UNC13C: variants seen among roughly 807,000 people sequenced by gnomAD.
UNC13C encodes unc-13 homolog C, also known as protein unc-13 homolog C.
A neutral mutation model predicts 245.4 loss-of-function variants in UNC13C; 174 were observed. The ratio of observed to expected loss-of-function variants is 0.71; its 90% confidence interval spans 0.63 to 0.80. The LOEUF (loss-of-function observed/expected upper bound fraction) is 0.80. Among genes scored for constraint, UNC13C ranks in the 30% least tolerant of loss-of-function variants. The probability of loss-of-function intolerance (pLI) is 0.00; values close to 1 mark genes in which losing one functional copy is unlikely to be tolerated. For missense variants in UNC13C, 2,829 were observed against 2,602.9 expected, an observed-to-expected ratio of 1.09 and a Z score of -1.89; for synonymous variants, 992 against 895.1, an observed-to-expected ratio of 1.11 and a Z score of -1.93.
chr15:54,094,088 A>T (rs1157309342), intron 2 of UNC13C, among the ~76,000 whole-genome samples: 1 of 152,146 alleles, frequency 6.6e-6, no homozygotes, highest in Non-Finnish European at 1.5e-5. Flanking sequence ...GACTGAGTGG[A>T]GGCAGCAATG....
At chr15:53,900,483 T>C in the UNC13C span, among the ~76,000 whole-genome samples, 1 of 152,206 alleles carries the variant, frequency 6.6e-6, no homozygotes, top group African/African-American at 2.4e-5. Context: ...CTGTAAACAA[T>C]AGTAAAAGCA....
intron 4 of UNC13C, among the ~76,000 whole-genome samples, chr15:54,154,112 C>A (rs2032640977): frequency 1.3e-5 from 2 of 152,022 alleles, no homozygotes; most frequent in East Asian, 3.9e-4. Flanking sequence ...AGTCACTCAA[C>A]TGATTTATTG....
chr15:54,113,671 G>A (rs7177366), intron 2 of UNC13C, among the ~76,000 whole-genome samples: 149,228 of 152,112 alleles, frequency 0.98, 73,279 homozygotes, highest in East Asian at 1. Context: ...CTAAAAATAC[G>A]AAAAATTAGC....
Position 54,338,620 on chromosome 15 carries a change from C to T in UNC13C, c.4713+131C>T. ...CATTAACTGCAAATTTGAGAATTTC[C>T]ATACCTTTTCTTCATATTTGAATAT... On this transcript the variant is annotated intron_variant, in intron 17 of 32. Coordinates refer to ENST00000260323, the MANE Select transcript of UNC13C (RefSeq NM_001080534.3). The T allele has an allele frequency of 3.0e-6, 3 of 991,304 alleles. No individual in the cohort carries two copies. The South Asian group carries it at 6.1e-5, about 20-fold the overall frequency. The allele number at this position is 991,304 out of a possible 1,614,324, so 61.4% of individuals were successfully genotyped here.
chr15:54,062,749 C>A (rs1399770551), intron 2 of UNC13C, among the ~76,000 whole-genome samples: 1 of 152,150 alleles, frequency 6.6e-6, no homozygotes, highest in East Asian at 1.9e-4. Flanking sequence ...CTGGTAGAAC[C>A]CAGGAATCTG....
chr15:54,193,767 A>G (rs546310048), intron 4 of UNC13C, among the ~76,000 whole-genome samples: 51 of 152,336 alleles, frequency 3.3e-4, no homozygotes, highest in African/African-American at 1.2e-3. Flanking sequence ...TCATCTCCCT[A>G]CAAAGATTTC....
intron 2 of UNC13C, among the ~76,000 whole-genome samples, chr15:54,034,465 A>AGGC (rs1896489524): frequency 1.3e-5 from 2 of 152,142 alleles, no homozygotes; most frequent in Non-Finnish European, 2.9e-5. Flanking sequence ...TAGTGGTATT[A>AGGC]ACTCTGTTTT....
At chr15:54,278,375 G>T (rs946870886) in intron 10 of UNC13C, among the ~76,000 whole-genome samples, 1 of 152,084 alleles carries the variant, frequency 6.6e-6, no homozygotes, top group Non-Finnish European at 1.5e-5. Context: ...ATTTCTTTGA[G>T]TAGACAAAAT....
At chr15:54,162,961 G>A (rs928064470) in intron 4 of UNC13C, among the ~76,000 whole-genome samples, 9 of 152,138 alleles carry the variant, frequency 5.9e-5, no homozygotes, top group African/African-American at 1.9e-4. Context: ...CAAGGTAACT[G>A]TAGATAAAGT....
chr15:54,046,657 C>A (rs762805938), intron 2 of UNC13C, among the ~76,000 whole-genome samples: 1 of 150,986 alleles, frequency 6.6e-6, no homozygotes, highest in South Asian at 2.1e-4. Context: ...CTTTTTTTTA[C>A]TTTTTTATTG....
Position 54,174,817 on chromosome 15 carries a change from A to C in UNC13C, c.3071+31133A>C, listed in dbSNP as rs573823937. On this transcript the variant is annotated intron_variant, in intron 4 of 32. Transcript: ENST00000260323. The stretch of plus-strand genomic sequence containing the variant: ...TTTCCAGCTGTGAACAATTTGGGTC[A>C]TGTACTGATTAAAGCAGGTAAGAAT... 2.1e-3 allele frequency among the ~76,000 whole-genome samples: 322 copies of C among 152,326 alleles called. 2 individuals carry two copies. The highest frequency in any genetic ancestry group is 2.9e-3 in the Non-Finnish European group (198 of 68,034).
In UNC13C at chr15:54,364,724, T is replaced by C. The variant is rs998913543; in HGVS notation, c.4713+26235T>C. 1.1e-4 allele frequency among the ~76,000 whole-genome samples: 16 copies of C among 152,324 alleles called. No homozygotes were observed. In the East Asian group the frequency reaches 2.1e-3, roughly 20 times the overall value. On this transcript the variant is annotated intron_variant, in intron 17 of 32. Transcript: ENST00000260323. The stretch of plus-strand genomic sequence containing the variant: ...TGTAATATAGTACTGACTGTACTTA[T>C]GATATTCCCATTAAATGACTTAATG...
chr15:53,899,744 A>G, the UNC13C span, among the ~76,000 whole-genome samples: 148 of 152,220 alleles, frequency 9.7e-4, 1 homozygote, highest in African/African-American at 3.5e-3. Context: ...TTGTATTTTT[A>G]GTAGAGAGTG....
chr15:53,997,662 T>C lies in UNC13C; in HGVS notation c.-256-14986T>C, dbSNP rs116371211. Among the ~76,000 whole-genome samples the C allele has an allele frequency of 1.0e-2, 1,516 of 152,286 alleles. 13 individuals carry two copies. Among genetic ancestry groups the C allele is most frequent in the Middle Eastern group, 0.041 (12 of 294 alleles). On this transcript the variant is annotated intron_variant, in intron 1 of 32. Transcript: ENST00000260323. ...CCTTTGTAAAAATTAAAGTTATCTA[T>C]ACACATGTGTCTATTTCTGGACTTT...
At chr15:54,517,578 C>G (rs1224276211) in intron 24 of UNC13C, among the ~76,000 whole-genome samples, 1 of 152,066 alleles carries the variant, frequency 6.6e-6, no homozygotes, top group Non-Finnish European at 1.5e-5. Context: ...CTGTAAGCAC[C>G]TCTTCCTCTT....
At position 54,627,286 on chromosome 15, in the gene UNC13C, G is replaced by A; in HGVS notation, c.*173G>A. ...CTTTTATACCAATTCTGGTCTTTGG[G>A]AAATCAGTGTTCCATGAAGTGCCAA... On this transcript the variant is annotated 3_prime_UTR_variant, in exon 33 of 33. Transcript: ENST00000260323. 1 of 612,206 alleles carries A rather than the reference G, an allele frequency of 1.6e-6. No homozygotes were observed. Among genetic ancestry groups the A allele is most frequent in the Admixed American group, 3.5e-5 (1 of 28,796 alleles). 37.9% of individuals were successfully genotyped at this position (612,206 alleles called of 1,614,324 possible).
intron 4 of UNC13C, among the ~76,000 whole-genome samples, chr15:54,154,317 A>C (rs2032650128): frequency 6.6e-6 from 1 of 152,120 alleles, no homozygotes; most frequent in African/African-American, 2.4e-5. Context: ...ACATTTTCCA[A>C]TCCATGAATA....
the UNC13C span, among the ~76,000 whole-genome samples, chr15:53,874,537 T>C: frequency 6.6e-6 from 1 of 152,168 alleles, no homozygotes; most frequent in Admixed American, 6.5e-5. Context: ...CAACTAGCTA[T>C]TTTCATTATG....
chr15:54,055,517 C>T (rs947970510), intron 2 of UNC13C, among the ~76,000 whole-genome samples: 7 of 152,284 alleles, frequency 4.6e-5, no homozygotes, highest in Non-Finnish European at 1.0e-4. Context: ...TATTTAGCCC[C>T]TCCAGCTGAT....
Sources: allele counts gnomAD v4.1 joint callset (sites outside exome capture counted in the v4.1 genomes callset), GRCh38; gene constraint gnomAD v4.1.1; transcripts MANE v1.5; gene names NCBI Gene and HGNC (gene_info 2026-07-23, HGNC 2026-07-21).